The following ROR2 variants were observed in gnomAD, a reference collection of about 807,000 sequenced individuals.
ROR2 encodes ROR family WNT receptor 2.
In ROR2, 33 loss-of-function variants were observed where a neutral mutation model predicts 74.9. That is an observed-to-expected ratio of 0.44 (90% confidence interval 0.33 to 0.59). ROR2 has a LOEUF of 0.59. Ranked by LOEUF, ROR2 falls within the 20% of genes least tolerant of loss-of-function variation. The pLI is 0.02. For synonymous variants in ROR2, 586 were observed against 558.7 expected (o/e 1.05, Z -0.69); for missense variants, 1,216 against 1,313.8 (o/e 0.93, Z 1.15).
At chr9:91,796,206 C>T (rs959436758) in intron 1 of ROR2, among the ~76,000 whole-genome samples, 1 of 152,132 alleles carries the variant, frequency 6.6e-6, no homozygotes, top group Non-Finnish European at 1.5e-5. Context: ...CTTTGAGAGG[C>T]TGAGGCAGGT....
intron 2 of ROR2, among the ~76,000 whole-genome samples, chr9:91,771,234 T>TCTA (rs1201729632): frequency 6.6e-6 from 1 of 152,192 alleles, no homozygotes; most frequent in African/African-American, 2.4e-5. Context: ...GCTCGCCGGG[T>TCTA]CTATTTTGGC....
chr9:91,873,504 C>T (rs892382673), intron 1 of ROR2, among the ~76,000 whole-genome samples: 2 of 152,204 alleles, frequency 1.3e-5, no homozygotes, highest in Non-Finnish European at 2.9e-5. Context: ...AGGAGAATTG[C>T]TTGAACCCGG....
intron 1 of ROR2, among the ~76,000 whole-genome samples, chr9:91,806,858 GGATTA>G (rs1242945406): frequency 3.3e-4 from 50 of 152,304 alleles, no homozygotes; most frequent in Middle Eastern, 3.4e-3. Context: ...CAAAGTGCTG[GGATTA>G]CAGGCATAAG....
chr9:91,866,210 A>G (rs1200342757), intron 1 of ROR2, among the ~76,000 whole-genome samples: 4 of 147,670 alleles, frequency 2.7e-5, no homozygotes, highest in African/African-American at 7.5e-5. Context: ...ACCTTTGCCT[A>G]CTGGGTTCAA....
intron 1 of ROR2, among the ~76,000 whole-genome samples, chr9:91,895,796 A>G (rs1398031387): frequency 6.6e-6 from 1 of 152,236 alleles, no homozygotes; most frequent in African/African-American, 2.4e-5. Context: ...GTGAGCCGAG[A>G]TCGCGCCACT....
At chr9:91,816,673 G>A (rs1203860250) in intron 1 of ROR2, among the ~76,000 whole-genome samples, 1 of 151,718 alleles carries the variant, frequency 6.6e-6, no homozygotes, top group Admixed American at 6.6e-5. Context: ...CTCCTTCAGT[G>A]GGTCCTTGTT....
At chr9:91,815,370 G>C (rs998086209) in intron 1 of ROR2, among the ~76,000 whole-genome samples, 4 of 152,126 alleles carry the variant, frequency 2.6e-5, no homozygotes, top group African/African-American at 7.2e-5. Flanking sequence ...GAAACCACAG[G>C]CATTTTCATT....
chr9:91,746,602 A>G (rs905059969), intron 4 of ROR2, among the ~76,000 whole-genome samples: 1 of 152,258 alleles, frequency 6.6e-6, no homozygotes, highest in East Asian at 1.9e-4. Context: ...AGGTGCCTTC[A>G]AATCATCCAC....
At position 91,771,271 on chromosome 9, in the gene ROR2, G is replaced by C. The variant is rs189947671; in HGVS notation, c.175+4470C>G. 2.8e-3 allele frequency among the ~76,000 whole-genome samples: 426 copies of C among 152,288 alleles called. 1 individual carries two copies. Among genetic ancestry groups the C allele is most frequent in the Non-Finnish European group, 3.9e-3 (266 of 68,034 alleles). On this transcript the variant is annotated intron_variant, in intron 2 of 8. Transcript: ENST00000375708. ...GAGCCAGAACAGGAGGCCAGCAGAC[G>C]GGCGAGCCCACATCACCCCGCCCCA...
At chr9:91,775,647 C>T (rs1826392773) in intron 2 of ROR2, 94 bp downstream of exon 2, 1 of 1,177,176 alleles carries the variant, frequency 8.5e-7, no homozygotes, top group South Asian at 1.2e-5. Context: ...GCCAGAGGAC[C>T]CCCAGCGCCT....
intron 4 of ROR2, among the ~76,000 whole-genome samples, chr9:91,738,737 C>T (rs935807138): frequency 6.6e-6 from 1 of 152,196 alleles, no homozygotes; most frequent in South Asian, 2.1e-4. Context: ...ACCTGGCCAC[C>T]GCTGCATGGA....
At chr9:91,742,544 T>C (rs138948342) in intron 4 of ROR2, among the ~76,000 whole-genome samples, 193 of 152,322 alleles carry the variant, frequency 1.3e-3, no homozygotes, top group Non-Finnish European at 2.4e-3. Context: ...AAAAGATTCA[T>C]TGGATGGTGC....
At chr9:91,838,812 G>C (rs758102572) in intron 1 of ROR2, among the ~76,000 whole-genome samples, 1 of 152,212 alleles carries the variant, frequency 6.6e-6, no homozygotes, top group Non-Finnish European at 1.5e-5. Flanking sequence ...GTGAAACCCA[G>C]CATTCATAAA....
At chr9:91,728,439 AT>A (rs1177614356) in intron 7 of ROR2, among the ~76,000 whole-genome samples, 1 of 152,010 alleles carries the variant, frequency 6.6e-6, no homozygotes, top group Non-Finnish European at 1.5e-5. Context: ...TTGTTTATTT[AT>A]TTATTTTTGA....
At chr9:91,894,631 T>C (rs963078077) in intron 1 of ROR2, among the ~76,000 whole-genome samples, 9 of 152,220 alleles carry the variant, frequency 5.9e-5, no homozygotes, top group African/African-American at 2.2e-4. Flanking sequence ...GCCCAAAATA[T>C]GCCCAGAACT....
intron 1 of ROR2, among the ~76,000 whole-genome samples, chr9:91,914,208 G>A (rs1831066065): frequency 6.6e-6 from 1 of 152,112 alleles, no homozygotes; most frequent in African/African-American, 2.4e-5. Context: ...TTCCCTTCGA[G>A]CCACGGGGCC....
chr9:91,818,773 G>T (rs1055760325), intron 1 of ROR2, among the ~76,000 whole-genome samples: 1 of 152,102 alleles, frequency 6.6e-6, no homozygotes, highest in Non-Finnish European at 1.5e-5. Flanking sequence ...TACCAATGGC[G>T]TGGAGAACAG....
chr9:91,769,674 GC>G (rs1396673193), intron 2 of ROR2, among the ~76,000 whole-genome samples: 1 of 152,026 alleles, frequency 6.6e-6, no homozygotes, highest in African/African-American at 2.4e-5. Context: ...GCCAGCCATT[GC>G]CCCTACGTCC....
In ROR2 at chr9:91,925,530, G is replaced by A. The variant is rs546783465; in HGVS notation, c.97+24337C>T. 1.1e-4 allele frequency among the ~76,000 whole-genome samples: 16 copies of A among 151,270 alleles called. No homozygotes were observed. In the South Asian group the frequency reaches 3.3e-3, roughly 31 times the overall value. ...GCATATGCACTTGTTTTGGTGCCTG[G>A]CACATGCACCCATTTCTTCTCAAAC... On this transcript the variant is annotated intron_variant, in intron 1 of 8. Transcript: ENST00000375708.
Sources: allele counts gnomAD v4.1 joint callset (sites outside exome capture counted in the v4.1 genomes callset), GRCh38; gene constraint gnomAD v4.1.1; transcripts MANE v1.5; gene names NCBI Gene and HGNC (gene_info 2026-07-23, HGNC 2026-07-21).